The following PRMT3 variants were observed in gnomAD, a reference collection of about 807,000 sequenced individuals.
PRMT3 encodes protein arginine methyltransferase 3, also known as protein arginine N-methyltransferase 3.
Under a neutral mutation model 71.9 loss-of-function variants are expected in PRMT3, and 62 were observed. The ratio of observed to expected loss-of-function variants is 0.86; its 90% CI spans 0.70 to 1.07. The LOEUF (loss-of-function observed/expected upper bound fraction) is 1.07, where lower values mean the gene tolerates loss of function less well. Ranked by LOEUF, PRMT3 falls within the 50% of genes least tolerant of loss-of-function variation. PRMT3 has a pLI of 0.00. For missense variants in PRMT3, 663 were observed against 643.0 expected (o/e 1.03, Z -0.34); for synonymous variants, 213 against 220.4 (o/e 0.97, Z 0.30).
At chr11:20,435,299 T>A (rs1849738328) in intron 10 of PRMT3, among the ~76,000 whole-genome samples, 2 of 152,158 alleles carry the variant, frequency 1.3e-5, no homozygotes, top group Non-Finnish European at 2.9e-5. Context: ...CCTCCTGGGC[T>A]CAAGCAATCC....
intron 13 of PRMT3, among the ~76,000 whole-genome samples, chr11:20,473,882 AGGT>A (rs1850713213): frequency 6.6e-6 from 1 of 151,784 alleles, no homozygotes; most frequent in Non-Finnish European, 1.5e-5. Context: ...CTCATCTTTG[AGGT>A]TGTTAACCTT....
At chr11:20,395,021 C>T (rs1411993014) in intron 5 of PRMT3, among the ~76,000 whole-genome samples, 2 of 152,142 alleles carry the variant, frequency 1.3e-5, no homozygotes, top group Admixed American at 6.5e-5. Flanking sequence ...ATCTTAGTTC[C>T]TCCATAAACA....
intron 10 of PRMT3, among the ~76,000 whole-genome samples, chr11:20,432,234 G>A (rs1383033449): frequency 6.6e-6 from 1 of 151,982 alleles, no homozygotes; most frequent in African/African-American, 2.4e-5. Flanking sequence ...TAATCCCTCA[G>A]AGAACACAAA....
chr11:20,471,760 G>GAATAATTC (rs1850650117), intron 13 of PRMT3, among the ~76,000 whole-genome samples: 1 of 152,130 alleles, frequency 6.6e-6, no homozygotes, highest in African/African-American at 2.4e-5. Context: ...AGTTTAATGG[G>GAATAATTC]AATAGCATTG....
chr11:20,477,521 A>ACTCCAGCCTGGGTGACAGAG (rs1464631831), intron 13 of PRMT3, among the ~76,000 whole-genome samples: 1 of 151,754 alleles, frequency 6.6e-6, no homozygotes, highest in Non-Finnish European at 1.5e-5. Flanking sequence ...GCACCACTGC[A>ACTCCAGCCTGGGTGACAGAG]CTCCAGCCTG....
chr11:20,481,338 A>G (rs546971342), intron 13 of PRMT3, among the ~76,000 whole-genome samples: 1 of 151,824 alleles, frequency 6.6e-6, no homozygotes, highest in African/African-American at 2.4e-5. Flanking sequence ...AATTGTGAAC[A>G]TGTGCCCCAA....
At chr11:20,489,321 C>A (rs974636122) in intron 13 of PRMT3, among the ~76,000 whole-genome samples, 2 of 152,108 alleles carry the variant, frequency 1.3e-5, no homozygotes, top group African/African-American at 4.8e-5. Flanking sequence ...CTTTTTTCCC[C>A]CTCAGCAGTT....
At chr11:20,414,992 T>C (rs919848552) in intron 9 of PRMT3, among the ~76,000 whole-genome samples, 2 of 150,058 alleles carry the variant, frequency 1.3e-5, no homozygotes, top group African/African-American at 4.9e-5. Context: ...AAGGTAATGA[T>C]TTTAAAGACA....
intron 10 of PRMT3, among the ~76,000 whole-genome samples, chr11:20,434,758 A>T (rs796578760): frequency 8.5e-5 from 13 of 152,306 alleles, no homozygotes; most frequent in African/African-American, 3.1e-4. Context: ...TTTTTGTACC[A>T]GTACTGTGCT....
At chr11:20,431,511 C>T (rs1849654533) in intron 10 of PRMT3, among the ~76,000 whole-genome samples, 1 of 152,136 alleles carries the variant, frequency 6.6e-6, no homozygotes. Flanking sequence ...CGAGCTACTA[C>T]ACTAGCTAAT....
chr11:20,424,028 C>A (rs1460207126), intron 9 of PRMT3, among the ~76,000 whole-genome samples: 2 of 150,940 alleles, frequency 1.3e-5, no homozygotes, highest in South Asian at 4.2e-4. Context: ...ACTGAAAATA[C>A]AAAAAATTAG....
At chr11:20,481,561 G>T (rs954287324) in intron 13 of PRMT3, among the ~76,000 whole-genome samples, 1 of 152,012 alleles carries the variant, frequency 6.6e-6, no homozygotes, top group African/African-American at 2.4e-5. Context: ...AACTTACTGA[G>T]GGATAGTTTA....
chr11:20,460,960 C>T (rs1200574728), intron 11 of PRMT3, among the ~76,000 whole-genome samples: 1 of 151,942 alleles, frequency 6.6e-6, no homozygotes, highest in African/African-American at 2.4e-5. Context: ...CATCTTAGAC[C>T]CTCCCATTAT....
At chr11:20,398,644 G>A (rs1054199556) in intron 7 of PRMT3, among the ~76,000 whole-genome samples, 4 of 152,088 alleles carry the variant, frequency 2.6e-5, no homozygotes, top group East Asian at 3.9e-4. Context: ...TAGTAGAGAC[G>A]GGGTTTCACC....
intron 9 of PRMT3, among the ~76,000 whole-genome samples, chr11:20,411,254 A>G (rs991068796): frequency 6.6e-6 from 1 of 152,086 alleles, no homozygotes; most frequent in Non-Finnish European, 1.5e-5. Flanking sequence ...TCTGTCTGTA[A>G]TCATTGACTC....
At chr11:20,443,017 A>T (rs1849944342) in intron 10 of PRMT3, among the ~76,000 whole-genome samples, 1 of 152,106 alleles carries the variant, frequency 6.6e-6, no homozygotes, top group Non-Finnish European at 1.5e-5. Context: ...AGGGAAGGAG[A>T]GGGCAACGTT....
At chr11:20,435,678 C>G (rs1325577045) in intron 10 of PRMT3, among the ~76,000 whole-genome samples, 1 of 152,136 alleles carries the variant, frequency 6.6e-6, no homozygotes, top group African/African-American at 2.4e-5. Flanking sequence ...TCTGGGTTCT[C>G]TATTCAGTTA....
chr11:20,474,447 G>C (rs1850729230), intron 13 of PRMT3, among the ~76,000 whole-genome samples: 1 of 152,188 alleles, frequency 6.6e-6, no homozygotes, highest in African/African-American at 2.4e-5. Context: ...AGTATCTAGG[G>C]ACAGATCTCT....
At chr11:20,502,983 G>C (rs1851493761) in intron 15 of PRMT3, among the ~76,000 whole-genome samples, 1 of 151,926 alleles carries the variant, frequency 6.6e-6, no homozygotes, top group African/African-American at 2.4e-5. Context: ...TGATGAAGAT[G>C]GCAGGAATGT....
Sources: gnomAD v4.1 joint callset for allele counts (sites outside exome capture counted in the v4.1 genomes callset) on GRCh38, gnomAD v4.1.1 for gene constraint, MANE v1.5 for transcripts, NCBI Gene and HGNC (gene_info 2026-07-23, HGNC 2026-07-21) for gene names.